The following CIAO1 variants were observed in gnomAD, a reference collection of about 807,000 sequenced individuals.
The protein encoded by CIAO1 is cytosolic iron-sulfur assembly component 1.
CIAO1 carries 32 observed loss-of-function variants against 43.1 expected under a neutral mutation model. The observed-to-expected ratio is 0.74, with a 90% CI of 0.56 to 1.00. The LOEUF (loss-of-function observed/expected upper bound fraction) is 1.00, where lower values mean the gene tolerates loss of function less well. CIAO1 is among the 50% of genes least tolerant of loss of function. The pLI, the probability that CIAO1 is intolerant of heterozygous loss-of-function variation, is 0.00. For synonymous variants in CIAO1, 183 were observed against 171.4 expected (o/e 1.07, Z -0.53); for missense variants, 415 against 437.4 (o/e 0.95, Z 0.46).
rs374164270 is a variant in CIAO1 at position 96,266,383 on chromosome 2, C to T, written c.33C>T (p.Val11=). The T allele has an allele frequency of 2.6e-4, 393 of 1,513,278 alleles. No homozygotes were observed. The highest frequency in any genetic ancestry group is 5.3e-4 in the Admixed American group (27 of 51,268). The allele number at this position is 1,513,278 out of a possible 1,614,324, so 93.7% of individuals were successfully genotyped here. A position where few individuals can be genotyped will look rare whatever the true frequency, so the allele number is the denominator to read the frequency against. ...ACTCGCTGGTGCTGCTGGGCCGTGT[C>T]CCGGCGCACCCGGACTCCCGCTGCT... MKDSLVLLGR[V]PAHPDSRCWF... Residue 11 remains valine (V), a synonymous_variant, in exon 1 of 7, where the codon GTC becomes GTT. Coordinates refer to ENST00000488633, the MANE Select transcript of CIAO1 (RefSeq NM_004804.3).
chr2:96,269,363 T>TC lies in CIAO1; in HGVS notation c.779+10dup. 1 of 1,610,760 alleles carries TC rather than the reference T, an allele frequency of 6.2e-7. No homozygotes were observed. Among genetic ancestry groups the TC allele is most frequent in the Non-Finnish European group, 8.5e-7 (1 of 1,176,920 alleles). ...CATTTATGACATTGCTTGGTAAGACTCCATCCCCCCACCCCATCCCATCCC... is the reference window on the plus strand; with the variant it reads ...CATTTATGACATTGCTTGGTAAGACTCCCATCCCCCCACCCCATCCCATCCC... On this transcript the variant is annotated intron_variant, in intron 6 of 6. Coordinates refer to ENST00000488633, the MANE Select transcript of CIAO1 (RefSeq NM_004804.3).
intron 3 of CIAO1, 36 bp downstream of exon 3, chr2:96,267,772 C>T (rs758198151): frequency 5.6e-6 from 9 of 1,612,120 alleles, no homozygotes; most frequent in African/African-American, 1.3e-5. Flanking sequence ...TTGGGAACCA[C>T]CTGACAGCCC....
At chr2:96,269,422 A>T in intron 6 of CIAO1, 67 bp downstream of exon 6, 1 of 1,448,836 alleles carries the variant, frequency 6.9e-7, no homozygotes, top group Admixed American at 1.7e-5. Flanking sequence ...GGCATACCCT[A>T]TGCAGTCCTC....
At chr2:96,269,547 A>G (rs998672340) in intron 6 of CIAO1, among the ~76,000 whole-genome samples, 192 bp downstream of exon 6, 1 of 152,212 alleles carries the variant, frequency 6.6e-6, no homozygotes, top group Non-Finnish European at 1.5e-5. Context: ...GGAGCAGAGA[A>G]CAGTCCCAGG....
rs1479422668 is a variant in CIAO1, at chr2:96,274,128, G to T, written c.*2777G>T. 6.8e-6 allele frequency among the ~76,000 whole-genome samples: 1 copy of T among 146,166 alleles called. No homozygotes were observed. The highest frequency in any genetic ancestry group is 2.5e-5 in the African/African-American group (1 of 39,442). ...TAAAAGCTTTTTGGGGCAACCTCCA[G>T]AACTGTGAAAAATAAATTTGTTATT... On this transcript the variant is annotated 3_prime_UTR_variant, in exon 7 of 7. Coordinates refer to ENST00000488633, the MANE Select transcript of CIAO1 (RefSeq NM_004804.3).
chr2:96,268,091 C>T, intron 4 of CIAO1, 167 bp downstream of exon 4: 1 of 660,040 alleles, frequency 1.5e-6, no homozygotes, highest in Admixed American at 2.4e-5. Flanking sequence ...TGGTGGCTCA[C>T]ACCTATAATC....
At position 96,271,213 on chromosome 2, in the gene CIAO1, G is replaced by A; in HGVS notation, c.882G>A (p.Leu294=). ...NSDPQQPTFS[L]TAHLHQAHSQ... Reference sequence around the variant, plus strand: ...ATCCACAGCAGCCCACCTTCTCCCTGACAGCCCACTTGCATCAGGCCCATT... The same window carrying A: ...ATCCACAGCAGCCCACCTTCTCCCTAACAGCCCACTTGCATCAGGCCCATT... The change falls in exon 7 of 7, where the codon CTG becomes CTA. Residue 294 remains leucine (L), a synonymous_variant. Transcript: ENST00000488633. 6.2e-7 allele frequency: 1 copy of A among 1,614,220 alleles called. No homozygotes were observed. Among genetic ancestry groups the A allele is most frequent in the Non-Finnish European group, 8.5e-7 (1 of 1,180,044 alleles).
chr2:96,266,437 C>G lies in CIAO1; in HGVS notation c.87C>G (p.Thr29=). Residue 29 remains threonine, a synonymous_variant, in exon 1 of 7, where the codon ACC becomes ACG. Transcript: ENST00000488633. ...TCCTGGCCTGGAACCCCGCGGGGAC[C>G]CTGCTGGCCTCGTGCGGCGGCGACC... ...CWFLAWNPAG[T]LLASCGGDRR... is the part of the protein sequence containing the mutation. 1 of 1,560,650 alleles carries G rather than the reference C, an allele frequency of 6.4e-7. No individual in the cohort carries two copies. Among genetic ancestry groups the G allele is most frequent in the Non-Finnish European group, 8.7e-7 (1 of 1,149,130 alleles).
rs1277652150 is a variant in CIAO1 at position 96,273,349 on chromosome 2, T to C, written c.*1998T>C. On this transcript the variant is annotated 3_prime_UTR_variant, in exon 7 of 7. Transcript: ENST00000488633. ...AAGAGTGCATTAAGTTTTCGGAGTC[T>C]ACATTGCCTTTAAGAAACTATGACT... 1 of 152,260 alleles carries C rather than the reference T, an allele frequency of 6.6e-6. No homozygotes were observed. Among genetic ancestry groups the C allele is most frequent in the African/African-American group, 2.4e-5 (1 of 41,466 alleles). The allele number at this position is 152,260 out of a possible 1,614,324, so 9.4% of individuals were successfully genotyped here.
chr2:96,269,792 C>T (rs1170873268), intron 6 of CIAO1, among the ~76,000 whole-genome samples: 2 of 152,116 alleles, frequency 1.3e-5, no homozygotes, highest in Non-Finnish European at 1.5e-5. Flanking sequence ...GGATTACAGG[C>T]GCCCGCCACC....
intron 5 of CIAO1, 122 bp from the exon 6 acceptor site, chr2:96,269,146 C>T: frequency 1.3e-6 from 1 of 796,724 alleles, no homozygotes; most frequent in Non-Finnish European, 2.2e-6. Context: ...GGGATGGGGA[C>T]ACGAACGGAG....
Position 96,268,635 on chromosome 2 carries a change from A to T in CIAO1, c.668A>T (p.Gln223Leu). The change falls in exon 5 of 7, where the codon CAG becomes CTG. Residue 223 changes from glutamine (Q) to leucine (L), a missense_variant. Physicochemically the swap from Gln to Leu is moderately radical, Grantham distance 113 (BLOSUM62 -2). Coordinates refer to ENST00000488633, the MANE Select transcript of CIAO1 (RefSeq NM_004804.3). ...SDDRTVRIWR[Q>L]YLPGNEQGVA... ...GACCGTACTGTGCGTATCTGGCGTC[A>T]GTATCTACCAGGCAATGAACAAGGT... 1.2e-6 allele frequency: 2 copies of T among 1,614,228 alleles called. No individual in the cohort carries two copies. The highest frequency in any genetic ancestry group is 1.7e-6 in the Non-Finnish European group (2 of 1,180,044).
intron 1 of CIAO1, 107 bp from the exon 2 acceptor site, chr2:96,267,214 T>G: frequency 1.2e-6 from 1 of 841,486 alleles, no homozygotes; most frequent in Non-Finnish European, 1.6e-6. Context: ...TGAAATACAC[T>G]CCCTGAGCTT....
At position 96,273,803 on chromosome 2, in the gene CIAO1, T is replaced by A. The variant is rs1684601995; in HGVS notation, c.*2452T>A. ...GTCAACTTACTTCAACAAAAAAGTT[T>A]GGATGTAGAAGCAGCTGTAAGAATT... On this transcript the variant is annotated 3_prime_UTR_variant, in exon 7 of 7. Transcript: ENST00000488633. Among the ~76,000 whole-genome samples the A allele has an allele frequency of 6.6e-6, 1 of 152,110 alleles. No homozygotes were observed. Among genetic ancestry groups the A allele is most frequent in the Non-Finnish European group, 1.5e-5 (1 of 68,028 alleles).
intron 6 of CIAO1, 24 bp downstream of exon 6, chr2:96,269,379 A>C: frequency 6.3e-7 from 1 of 1,592,012 alleles, no homozygotes; most frequent in Middle Eastern, 1.7e-4. Flanking sequence ...CCCCCACCCC[A>C]TCCCATCCCC....
chr2:96,268,330 C>T, intron 4 of CIAO1, 127 bp from the exon 5 acceptor site: 1 of 825,260 alleles, frequency 1.2e-6, no homozygotes, highest in East Asian at 2.6e-5. Context: ...CCAGCCTGGG[C>T]AACAACAGCA....
Position 96,269,303 on chromosome 2 carries a change from TG to T in CIAO1, c.728del (p.Cys243LeufsTer21). 6.2e-7 allele frequency: 1 copy of T among 1,614,158 alleles called. No individual in the cohort carries two copies. Among genetic ancestry groups the T allele is most frequent in the Non-Finnish European group, 8.5e-7 (1 of 1,180,040 alleles). On this transcript the variant is annotated frameshift_variant, in exon 6 of 7. Transcript: ENST00000488633. LOFTEE classifies it high-confidence loss of function. ...ACSGSDPSWK[C>X]ICTLSGFHSR... ...CAGCGGCTCTGACCCCAGTTGGAAA[TG>T]TATCTGTACTTTGTCCGGCTTCCAC...
rs1684482271 is a variant in CIAO1 at position 96,268,580 on chromosome 2, A to G, written c.613A>G (p.Ser205Gly). ...STVWSLAFDP[S>G]GQRLASCSDD... ...TGTGTGGAGCTTGGCCTTTGACCCG[A>G]GTGGCCAGCGCCTGGCGTCTTGTAG... Residue 205 changes from serine to glycine, a missense_variant, in exon 5 of 7, where the codon AGT becomes GGT. Physicochemically the swap from Ser to Gly is moderately conservative, Grantham distance 56. Coordinates refer to ENST00000488633, the MANE Select transcript of CIAO1 (RefSeq NM_004804.3). The G allele has an allele frequency of 6.2e-7, 1 of 1,614,024 alleles. No homozygotes were observed. Among genetic ancestry groups the G allele is most frequent in the African/African-American group, 1.3e-5 (1 of 74,896 alleles).
In CIAO1 at chr2:96,267,663, G is replaced by T. The variant is rs759223118; in HGVS notation, c.327G>T (p.Lys109Asn). The T allele has an allele frequency of 1.2e-6, 2 of 1,614,216 alleles. No homozygotes were observed. Among genetic ancestry groups the T allele is most frequent in the Non-Finnish European group, 1.7e-6 (2 of 1,180,044 alleles). The change falls in exon 3 of 7, where the codon AAG becomes AAT. Residue 109 changes from lysine to asparagine, a missense_variant. Physicochemically the swap from Lys to Asn is moderately conservative, Grantham distance 94. Coordinates refer to ENST00000488633, the MANE Select transcript of CIAO1 (RefSeq NM_004804.3). The part of the protein sequence containing the change: ...TTLEGHENEV[K>N]SVAWAPSGNL... ...TCGAGGGCCATGAAAATGAGGTCAA[G>T]TCAGTGGCTTGGGCCCCATCTGGCA...
Sources: allele counts gnomAD v4.1 joint callset (sites outside exome capture counted in the v4.1 genomes callset), GRCh38; gene constraint gnomAD v4.1.1; transcripts MANE v1.5; gene names NCBI Gene and HGNC (gene_info 2026-07-23, HGNC 2026-07-21).